EPHA6: variants seen among roughly 807,000 people sequenced by gnomAD.
EPHA6 encodes the protein ephrin type-A receptor 6.
Under a neutral mutation model 112.0 loss-of-function variants are expected in EPHA6, and 50 were observed. That is an observed-to-expected ratio of 0.45 (90% CI 0.36 to 0.56). The LOEUF is 0.56. Among genes scored for constraint, EPHA6 ranks in the 20% least tolerant of loss-of-function variants. The probability of loss-of-function intolerance (pLI) is 0.00; values close to 1 mark genes in which losing one functional copy is unlikely to be tolerated. For synonymous variants in EPHA6, 529 were observed against 490.7 expected, an observed-to-expected ratio of 1.08 and a Z score of -1.03; for missense variants, 1,280 against 1,417.4, an observed-to-expected ratio of 0.90 and a Z score of 1.56.
At chr3:97,479,695 C>T (rs1401698684) in intron 9 of EPHA6, among the ~76,000 whole-genome samples, 2 of 152,230 alleles carry the variant, frequency 1.3e-5, no homozygotes, top group South Asian at 2.1e-4. Context: ...GAACATTAGA[C>T]ATAGAAATAA....
At chr3:97,728,556 T>C (rs2034887113) in intron 15 of EPHA6, among the ~76,000 whole-genome samples, 1 of 152,076 alleles carries the variant, frequency 6.6e-6, no homozygotes, top group Admixed American at 6.6e-5. Context: ...GGAGGCCAAA[T>C]CCAGAATTAA....
chr3:97,296,782 G>C (rs1324513809), intron 5 of EPHA6, among the ~76,000 whole-genome samples: 3 of 152,108 alleles, frequency 2.0e-5, no homozygotes, highest in African/African-American at 7.2e-5. Context: ...CTTTATCTCA[G>C]GGGCAGCCTA....
chr3:97,465,694 T>C (rs979496919), intron 7 of EPHA6, among the ~76,000 whole-genome samples: 2 of 151,920 alleles, frequency 1.3e-5, no homozygotes, highest in African/African-American at 4.8e-5. Context: ...AGAAATATAC[T>C]TGGGTCCATA....
At chr3:97,532,265 T>C in intron 10 of EPHA6, 93 bp from the exon 11 acceptor site, 4 of 1,084,742 alleles carry the variant, frequency 3.7e-6, no homozygotes, top group Non-Finnish European at 5.3e-6. Flanking sequence ...AGAGTCATTA[T>C]GTGAAAAAAG....
intron 3 of EPHA6, among the ~76,000 whole-genome samples, chr3:96,989,415 A>G (rs1236224602): frequency 1.3e-5 from 2 of 152,190 alleles, no homozygotes; most frequent in African/African-American, 2.4e-5. Context: ...GTTTAGTAAT[A>G]TAGGTTATCA....
chr3:97,668,648 T>C (rs973183617), intron 14 of EPHA6, among the ~76,000 whole-genome samples: 1 of 152,126 alleles, frequency 6.6e-6, no homozygotes, highest in East Asian at 1.9e-4. Flanking sequence ...GCCTTATGGC[T>C]AACACCTGTA....
At chr3:97,327,583 A>C (rs2082496953) in intron 5 of EPHA6, among the ~76,000 whole-genome samples, 1 of 151,906 alleles carries the variant, frequency 6.6e-6, no homozygotes, top group African/African-American at 2.4e-5. Flanking sequence ...AACACTGCAA[A>C]GATCCCCCCA....
intron 3 of EPHA6, among the ~76,000 whole-genome samples, chr3:97,095,533 A>G (rs1175288072): frequency 6.6e-6 from 1 of 151,984 alleles, no homozygotes; most frequent in African/African-American, 2.4e-5. Flanking sequence ...CAGGCTGATA[A>G]TGCTTACCAT....
chr3:96,815,993 T>C lies in EPHA6; in HGVS notation c.385+985T>C, dbSNP rs1287152619. 4.6e-5 allele frequency among the ~76,000 whole-genome samples: 7 copies of C among 152,190 alleles called. No individual in the cohort carries two copies. In the East Asian group the frequency reaches 1.4e-3, roughly 29 times the overall value. ...AAATATTATGTGTGGTAGTCAGTTA[T>C]AGTTATCATTTAACACATAAGGCAT... On this transcript the variant is annotated intron_variant, in intron 1 of 17. Transcript: ENST00000389672.
intron 5 of EPHA6, among the ~76,000 whole-genome samples, chr3:97,326,484 C>A (rs2082429277): frequency 6.6e-6 from 1 of 151,702 alleles, no homozygotes; most frequent in Admixed American, 6.6e-5. Flanking sequence ...ATGAAAATAA[C>A]CTAAGCAGGA....
At chr3:96,832,224 G>T (rs1010864123) in intron 1 of EPHA6, among the ~76,000 whole-genome samples, 1 of 152,054 alleles carries the variant, frequency 6.6e-6, no homozygotes, top group Non-Finnish European at 1.5e-5. Context: ...TTAAAAACTC[G>T]ATTTAGAAGT....
chr3:97,241,767 T>TG lies in EPHA6; in HGVS notation c.1271-2185_1271-2184insG, dbSNP rs1184706311. ...TGTCAGCCTTCTTGTTTTTTTTTTT[T>TG]TTTGTTTTTTTTTTTAGTATCTGCA... is the stretch of plus-strand genomic sequence containing the variant. On this transcript the variant is annotated intron_variant, in intron 4 of 17. Coordinates refer to ENST00000389672, the MANE Select transcript of EPHA6 (RefSeq NM_001080448.3). Among the ~76,000 whole-genome samples, 128 of 150,162 alleles carry TG rather than the reference T, an allele frequency of 8.5e-4. 1 individual carries two copies. Among genetic ancestry groups the TG allele is most frequent in the Admixed American group, 3.5e-3 (52 of 15,026 alleles).
chr3:96,880,290 A>T (rs2037234335), intron 2 of EPHA6, among the ~76,000 whole-genome samples: 1 of 152,016 alleles, frequency 6.6e-6, no homozygotes, highest in South Asian at 2.1e-4. Flanking sequence ...TTTAAAACAA[A>T]ATAAAGTTAA....
chr3:97,720,890 T>C (rs1351729397), intron 15 of EPHA6, among the ~76,000 whole-genome samples: 1 of 152,202 alleles, frequency 6.6e-6, no homozygotes, highest in East Asian at 1.9e-4. Context: ...TGACCCCTAA[T>C]GCAAACTGTT....
At chr3:97,642,648 A>T (rs1010322432) in intron 14 of EPHA6, among the ~76,000 whole-genome samples, 4 of 152,198 alleles carry the variant, frequency 2.6e-5, no homozygotes. Context: ...AGAATGCAGA[A>T]GTCTTAGGAG....
At chr3:97,544,455 G>T (rs1452396343) in intron 11 of EPHA6, among the ~76,000 whole-genome samples, 13 of 152,172 alleles carry the variant, frequency 8.5e-5, no homozygotes, top group African/African-American at 2.7e-4. Flanking sequence ...CTTGATCATG[G>T]TGGATAAGCT....
chr3:97,007,183 G>C (rs529530862), intron 3 of EPHA6, among the ~76,000 whole-genome samples: 1 of 152,086 alleles, frequency 6.6e-6, no homozygotes, highest in Non-Finnish European at 1.5e-5. Flanking sequence ...TTGTTCATCT[G>C]TCTAGTACTG....
intron 10 of EPHA6, among the ~76,000 whole-genome samples, chr3:97,498,788 G>A (rs1018852422): frequency 4.6e-5 from 7 of 152,122 alleles, no homozygotes; most frequent in Admixed American, 4.6e-4. Flanking sequence ...TAGGTTGCGT[G>A]CTCCTTATGA....
chr3:97,075,962 A>G (rs2046510404), intron 3 of EPHA6, among the ~76,000 whole-genome samples: 1 of 151,990 alleles, frequency 6.6e-6, no homozygotes, highest in South Asian at 2.1e-4. Context: ...TGACTACTCT[A>G]CCATCTATCT....
Sources: allele counts gnomAD v4.1 joint callset (sites outside exome capture counted in the v4.1 genomes callset), GRCh38; gene constraint gnomAD v4.1.1; transcripts MANE v1.5; gene names NCBI Gene and HGNC (gene_info 2026-07-23, HGNC 2026-07-21).